The following PLXDC2 variants were observed in gnomAD, a reference collection of about 807,000 sequenced individuals.
PLXDC2 encodes plexin domain containing 2, also known as plexin domain-containing protein 2.
PLXDC2 carries 40 observed loss-of-function variants against 68.9 expected under a neutral mutation model. The observed-to-expected ratio is 0.58, with a 90% CI of 0.45 to 0.76. The LOEUF (loss-of-function observed/expected upper bound fraction) is 0.76, where lower values mean the gene tolerates loss of function less well. Among genes scored for constraint, PLXDC2 ranks in the 30% least tolerant of loss-of-function variants. The probability of loss-of-function intolerance (pLI) is 0.00; values close to 1 mark genes in which losing one functional copy is unlikely to be tolerated. For missense variants in PLXDC2, 644 were observed against 661.9 expected (o/e 0.97, Z 0.30); for synonymous variants, 243 against 234.2 (o/e 1.04, Z -0.34).
chr10:19,847,758 C>A (rs1021474748), intron 1 of PLXDC2, among the ~76,000 whole-genome samples: 8 of 152,138 alleles, frequency 5.3e-5, no homozygotes, highest in African/African-American at 1.9e-4. Flanking sequence ...AATTTACGTG[C>A]ATGATTATGT....
chr10:19,832,958 C>T (rs1183604868), intron 1 of PLXDC2, among the ~76,000 whole-genome samples: 1 of 152,198 alleles, frequency 6.6e-6, no homozygotes, highest in East Asian at 1.9e-4. Context: ...TCTCGAACCT[C>T]CATTTCTTCA....
In PLXDC2 at chr10:20,027,447, A is replaced by G. The variant is rs1415945670; in HGVS notation, c.325-19422A>G. 2.6e-5 allele frequency among the ~76,000 whole-genome samples: 4 copies of G among 152,172 alleles called. No individual in the cohort carries two copies. The East Asian group carries it at 5.8e-4, about 22-fold the overall frequency. On this transcript the variant is annotated intron_variant, in intron 2 of 13. Transcript: ENST00000377252. ...TTCTACTATGTGAGGATGCAACGAG[A>G]AGGCCCACACAGGTGCCAGTACCTT...
chr10:19,998,071 A>G (rs1480907786), intron 1 of PLXDC2, among the ~76,000 whole-genome samples: 1 of 152,222 alleles, frequency 6.6e-6, no homozygotes, highest in Non-Finnish European at 1.5e-5. Flanking sequence ...TTTAATTAAC[A>G]TACAGTAGAC....
chr10:20,161,179 C>A lies in PLXDC2; in HGVS notation c.784-3289C>A, dbSNP rs11011835. Among the ~76,000 whole-genome samples, 236 of 152,230 alleles carry A rather than the reference C, an allele frequency of 1.6e-3. 1 individual carries two copies. Among genetic ancestry groups the A allele is most frequent in the Non-Finnish European group, 2.5e-3 (167 of 68,026 alleles). ...AAACAACTCCATTTCTTATTTCTCA[C>A]AAGTTGCCTATAAATCAGCTTGCTG... is the stretch of plus-strand genomic sequence containing the variant. On this transcript the variant is annotated intron_variant, in intron 6 of 13. Transcript: ENST00000377252.
At chr10:20,108,838 T>C (rs1366006175) in intron 4 of PLXDC2, among the ~76,000 whole-genome samples, 1 of 152,226 alleles carries the variant, frequency 6.6e-6, no homozygotes, top group Non-Finnish European at 1.5e-5. Context: ...TTGTAATAGA[T>C]ACAAAGTAAG....
intron 1 of PLXDC2, among the ~76,000 whole-genome samples, chr10:19,831,689 T>C (rs968235943): frequency 6.6e-5 from 10 of 152,172 alleles, no homozygotes; most frequent in Admixed American, 2.0e-4. Flanking sequence ...TGATATTTGG[T>C]TTTCTGTTCG....
chr10:20,009,587 G>A (rs537585357), intron 2 of PLXDC2, among the ~76,000 whole-genome samples: 29 of 151,900 alleles, frequency 1.9e-4, no homozygotes, highest in African/African-American at 6.5e-4. Context: ...GTGAAAGCAC[G>A]TAATTGAAAA....
At chr10:19,842,598 T>A (rs1413404647) in intron 1 of PLXDC2, among the ~76,000 whole-genome samples, 4 of 152,178 alleles carry the variant, frequency 2.6e-5, no homozygotes, top group African/African-American at 9.7e-5. Flanking sequence ...AACATCTTTA[T>A]AAGTAACACT....
At chr10:20,060,063 T>G (rs143037937) in intron 3 of PLXDC2, among the ~76,000 whole-genome samples, 16 of 152,326 alleles carry the variant, frequency 1.1e-4, no homozygotes, top group African/African-American at 3.8e-4. Context: ...GACATGGTCT[T>G]GCTCTGTCAC....
chr10:19,841,909 A>G (rs1836917336), intron 1 of PLXDC2, among the ~76,000 whole-genome samples: 1 of 152,286 alleles, frequency 6.6e-6, no homozygotes, highest in Middle Eastern at 3.4e-3. Context: ...TATTATGTAC[A>G]TTATAACATA....
chr10:19,920,970 C>T (rs1833452914), intron 1 of PLXDC2, among the ~76,000 whole-genome samples: 2 of 151,952 alleles, frequency 1.3e-5, no homozygotes, highest in Admixed American at 1.3e-4. Context: ...CTCTGTTTCC[C>T]AGGCTGGAGT....
intron 1 of PLXDC2, among the ~76,000 whole-genome samples, chr10:19,973,294 A>ATG (rs1554849831): frequency 2.7e-5 from 4 of 145,478 alleles, no homozygotes; most frequent in African/African-American, 9.9e-5. Context: ...ATACATATAT[A>ATG]TGTATATATA....
chr10:20,132,233 T>C (rs1320281815), intron 4 of PLXDC2, among the ~76,000 whole-genome samples: 1 of 143,978 alleles, frequency 6.9e-6, no homozygotes, highest in East Asian at 2.1e-4. Context: ...TTAAATCTTC[T>C]TAAATCTGTG....
intron 4 of PLXDC2, among the ~76,000 whole-genome samples, chr10:20,081,344 C>T (rs1452031045): frequency 2.4e-4 from 37 of 151,842 alleles, no homozygotes. Flanking sequence ...AAGAGAGTCA[C>T]AGCCTAAAGA....
chr10:20,028,071 G>C (rs1228234827), intron 2 of PLXDC2, among the ~76,000 whole-genome samples: 1 of 152,164 alleles, frequency 6.6e-6, no homozygotes. Flanking sequence ...ATACTTTATA[G>C]ATTTCTAAAG....
At chr10:19,819,031 T>TACACACACACACACACACACAC in intron 1 of PLXDC2, among the ~76,000 whole-genome samples, 1 of 147,840 alleles carries the variant, frequency 6.8e-6, no homozygotes, top group Non-Finnish European at 1.5e-5. Flanking sequence ...AATATATGTA[T>TACACACACACACACACACACAC]ACACACACAC....
intron 2 of PLXDC2, among the ~76,000 whole-genome samples, chr10:20,030,151 G>T (rs560360934): frequency 9.3e-4 from 141 of 152,186 alleles, no homozygotes; most frequent in Middle Eastern, 3.4e-3. Flanking sequence ...GGGCAGAGTG[G>T]CCATATAGTT....
Position 19,866,425 on chromosome 10 carries a change from C to T in PLXDC2, c.112+49234C>T, listed in dbSNP as rs142465781. Among the ~76,000 whole-genome samples, 317 of 152,244 alleles carry T rather than the reference C, an allele frequency of 2.1e-3. 4 individuals carry two copies. Among genetic ancestry groups the T allele is most frequent in the African/African-American group, 7.2e-3 (300 of 41,538 alleles). ...CTCTGATCTTTCTTCCGTGGGACACCGCTGGCTAAATCTCCTGTTCTGCCT... is the reference window on the plus strand; with the variant it reads ...CTCTGATCTTTCTTCCGTGGGACACTGCTGGCTAAATCTCCTGTTCTGCCT... On this transcript the variant is annotated intron_variant, in intron 1 of 13. Coordinates refer to ENST00000377252, the MANE Select transcript of PLXDC2 (RefSeq NM_032812.9).
chr10:20,285,185 T>C lies in PLXDC2; in HGVS notation c.*5366T>C, dbSNP rs1185246147. 6.6e-6 allele frequency: 1 copy of C among 152,240 alleles called. No homozygotes were observed. The highest frequency in any genetic ancestry group is 2.4e-5 in the African/African-American group (1 of 41,466). 9.4% of individuals were successfully genotyped at this position (152,240 alleles called of 1,614,324 possible). A position where few individuals can be genotyped will look rare whatever the true frequency, so the allele number is the denominator to read the frequency against. On this transcript the variant is annotated 3_prime_UTR_variant, in exon 14 of 14. Transcript: ENST00000377252. ...CTTATAAGGTTTTTTGGGCAGATAA[T>C]GCGAGGTCTGTGGTGTTACCTTTTA...
Sources: gnomAD v4.1 joint callset for allele counts (sites outside exome capture counted in the v4.1 genomes callset) on GRCh38, gnomAD v4.1.1 for gene constraint, MANE v1.5 for transcripts, NCBI Gene and HGNC (gene_info 2026-07-23, HGNC 2026-07-21) for gene names.